The following SH3GL3 variants were observed in gnomAD, a reference collection of about 807,000 sequenced individuals.
SH3GL3 encodes the protein SH3 domain containing GRB2 like 3, endophilin A3.
A neutral mutation model predicts 47.7 loss-of-function variants in SH3GL3; 33 were observed. That is an observed-to-expected ratio of 0.69 (90% confidence interval 0.52 to 0.92). SH3GL3 has a LOEUF of 0.92. Among genes scored for constraint, SH3GL3 ranks in the 40% least tolerant of loss-of-function variants. The pLI, the probability that SH3GL3 is intolerant of heterozygous loss-of-function variation, is 0.00. For synonymous variants in SH3GL3, 155 were observed against 148.8 expected (o/e 1.04, Z -0.30); for missense variants, 363 against 417.8 (o/e 0.87, Z 1.14).
At chr15:83,620,850 T>C (rs1195162098), downstream of SH3GL3, among the ~76,000 whole-genome samples, 1 of 152,256 alleles carries the variant, frequency 6.6e-6, no homozygotes, top group Non-Finnish European at 1.5e-5. Context: ...CATCTTCCCA[T>C]GTAAGGCTAT....
chr15:83,521,380 T>C (rs1474954690), intron 1 of SH3GL3, among the ~76,000 whole-genome samples: 1 of 151,840 alleles, frequency 6.6e-6, no homozygotes, highest in African/African-American at 2.4e-5. Context: ...AGGTGCTGGG[T>C]GACAAAAGGG....
At chr15:83,566,771 AAAC>A (rs2045567323) in intron 3 of SH3GL3, among the ~76,000 whole-genome samples, 2 of 152,270 alleles carry the variant, frequency 1.3e-5, no homozygotes, top group Middle Eastern at 3.4e-3. Context: ...TGTTGTTTCA[AAAC>A]AACAACAAAA....
chr15:83,531,734 G>C (rs2043684225), intron 1 of SH3GL3, among the ~76,000 whole-genome samples: 1 of 152,174 alleles, frequency 6.6e-6, no homozygotes, highest in East Asian at 1.9e-4. Context: ...TGAGATGACA[G>C]TAGCCTGGAC....
At chr15:83,488,976 T>C (rs1296443943) in intron 1 of SH3GL3, among the ~76,000 whole-genome samples, 2 of 152,244 alleles carry the variant, frequency 1.3e-5, no homozygotes, top group Non-Finnish European at 2.9e-5. Flanking sequence ...ACAAAGATCC[T>C]GGATAGTTCT....
At chr15:83,593,732 G>C (rs2060164853) in intron 8 of SH3GL3, among the ~76,000 whole-genome samples, 1 of 152,062 alleles carries the variant, frequency 6.6e-6, no homozygotes, top group South Asian at 2.1e-4. Context: ...GGTTAGAGTG[G>C]ACATCCTTGC....
intron 1 of SH3GL3, among the ~76,000 whole-genome samples, chr15:83,531,600 A>T (rs2043678379): frequency 6.6e-6 from 1 of 152,150 alleles, no homozygotes; most frequent in South Asian, 2.1e-4. Flanking sequence ...TTTAAAGGTG[A>T]TGGAATCACT....
intron 1 of SH3GL3, among the ~76,000 whole-genome samples, chr15:83,489,014 G>C (rs1354429666): frequency 2.0e-5 from 3 of 152,240 alleles, no homozygotes; most frequent in African/African-American, 7.2e-5. Context: ...CATCAGGGTT[G>C]AATGGGGGTC....
At chr15:83,478,692 C>T (rs1163203476) in intron 1 of SH3GL3, among the ~76,000 whole-genome samples, 1 of 152,196 alleles carries the variant, frequency 6.6e-6, no homozygotes, top group Non-Finnish European at 1.5e-5. Context: ...ATTTTGGTAG[C>T]TGTGTGATGG....
At chr15:83,552,219 A>T (rs2044702059) in intron 1 of SH3GL3, among the ~76,000 whole-genome samples, 1 of 152,230 alleles carries the variant, frequency 6.6e-6, no homozygotes, top group Non-Finnish European at 1.5e-5. Context: ...GATGTTTCAG[A>T]AATTAGATTG....
chr15:83,525,545 T>A (rs1012500170), intron 1 of SH3GL3, among the ~76,000 whole-genome samples: 3 of 152,194 alleles, frequency 2.0e-5, no homozygotes, highest in African/African-American at 7.2e-5. Context: ...ATTTGTTTAA[T>A]TCTGTTTTTC....
At chr15:83,604,489 G>A (rs1474396891) in intron 8 of SH3GL3, among the ~76,000 whole-genome samples, 1 of 152,134 alleles carries the variant, frequency 6.6e-6, no homozygotes, top group Non-Finnish European at 1.5e-5. Flanking sequence ...ATCCCTTAAG[G>A]TCATAGGGAC....
intron 1 of SH3GL3, among the ~76,000 whole-genome samples, chr15:83,470,792 C>T (rs1436966700): frequency 6.6e-6 from 1 of 152,042 alleles, no homozygotes; most frequent in Non-Finnish European, 1.5e-5. Flanking sequence ...GAGTACACCT[C>T]TTTGTACTGC....
the SH3GL3 span, among the ~76,000 whole-genome samples, chr15:83,632,943 A>G: frequency 5.3e-5 from 8 of 152,198 alleles, no homozygotes; most frequent in African/African-American, 1.9e-4. Flanking sequence ...AGCACATGAA[A>G]AAGTGTGCAA....
At chr15:83,473,507 A>G (rs1333194705) in intron 1 of SH3GL3, among the ~76,000 whole-genome samples, 2 of 149,792 alleles carry the variant, frequency 1.3e-5, no homozygotes, top group Admixed American at 1.3e-4. Flanking sequence ...GAGAGCAGAC[A>G]TTTGCTTGGT....
intron 1 of SH3GL3, chr15:83,490,985 A>C: frequency 6.3e-7 from 1 of 1,596,874 alleles, no homozygotes; most frequent in Non-Finnish European, 8.5e-7. Context: ...GCACAGAAGC[A>C]CTGAAAGAAG....
intron 1 of SH3GL3, among the ~76,000 whole-genome samples, chr15:83,467,876 A>G (rs752230966): frequency 2.0e-5 from 3 of 152,022 alleles, no homozygotes; most frequent in East Asian, 1.9e-4. Context: ...CACCCAGGCT[A>G]GAGTGCAGTG....
chr15:83,544,519 G>A (rs1164984997), intron 1 of SH3GL3, among the ~76,000 whole-genome samples: 1 of 152,106 alleles, frequency 6.6e-6, no homozygotes, highest in Non-Finnish European at 1.5e-5. Flanking sequence ...AAATGCTAAT[G>A]AGTAGTTTAC....
chr15:83,603,463 A>T lies in SH3GL3; in HGVS notation c.839-14619A>T, dbSNP rs113198398. On this transcript the variant is annotated intron_variant, in intron 8 of 8. Coordinates refer to ENST00000427482, the MANE Select transcript of SH3GL3 (RefSeq NM_003027.5). The stretch of plus-strand genomic sequence containing the variant: ...AACTTACAGAGGCTACCTTGAGACC[A>T]CCTGAAACAGCAGATTTGAGTAGGA... 4.9e-4 allele frequency among the ~76,000 whole-genome samples: 75 copies of T among 152,298 alleles called. 1 individual carries two copies. The highest frequency in any genetic ancestry group is 1.7e-3 in the African/African-American group (71 of 41,558).
intron 1 of SH3GL3, among the ~76,000 whole-genome samples, chr15:83,459,577 TA>T (rs1188325837): frequency 6.6e-6 from 1 of 152,214 alleles, no homozygotes; most frequent in Non-Finnish European, 1.5e-5. Context: ...GATCTACGCC[TA>T]GTAAAAACTT....
Sources: allele counts gnomAD v4.1 joint callset (sites outside exome capture counted in the v4.1 genomes callset), GRCh38; gene constraint gnomAD v4.1.1; transcripts MANE v1.5; gene names NCBI Gene and HGNC (gene_info 2026-07-23, HGNC 2026-07-21).